The following SUPT6H variants were observed in gnomAD, a reference collection of about 807,000 sequenced individuals.
SUPT6H encodes transcription elongation factor SPT6.
A neutral mutation model predicts 222.3 loss-of-function variants in SUPT6H; 11 were observed. That is an observed-to-expected ratio of 0.05 (90% CI 0.03 to 0.08). SUPT6H has a LOEUF of 0.08. Among genes scored for constraint, SUPT6H ranks in the 10% least tolerant of loss-of-function variants. The probability of loss-of-function intolerance (pLI) is 1.00; values close to 1 mark genes in which losing one functional copy is unlikely to be tolerated. For synonymous variants in SUPT6H, 762 were observed against 801.2 expected, an observed-to-expected ratio of 0.95 and a Z score of 0.83; for missense variants, 1,422 against 2,216.0, an observed-to-expected ratio of 0.64 and a Z score of 7.19.
intron 25 of SUPT6H, 23 bp downstream of exon 25, chr17:28,689,584 C>A (rs199676494): frequency 1.2e-6 from 2 of 1,611,738 alleles, no homozygotes; most frequent in Non-Finnish European, 1.7e-6. Flanking sequence ...ATGGAAGGCC[C>A]GGCAGGAGAA....
chr17:28,688,355 ATT>A lies in SUPT6H; in HGVS notation c.3134+138_3134+139del. ...TTTTAAAGAAAAGGTAAGGAACTTTATTCAGTCAAGAGCCCCTGACCTATGGA... is the reference window on the plus strand; with the variant it reads ...TTTTAAAGAAAAGGTAAGGAACTTTACAGTCAAGAGCCCCTGACCTATGGA... On this transcript the variant is annotated intron_variant, in intron 24 of 36. Transcript: ENST00000314616. The surrounding 1 kb of genome is among the most constrained non-coding windows in gnomAD (Gnocchi z 4.3). 7 of 1,181,686 alleles carry A rather than the reference ATT, an allele frequency of 5.9e-6. No individual in the cohort carries two copies. Among genetic ancestry groups the A allele is most frequent in the Non-Finnish European group, 8.0e-6 (7 of 874,552 alleles). 73.2% of individuals were successfully genotyped at this position (1,181,686 alleles called of 1,614,324 possible).
In SUPT6H at chr17:28,701,737, GT is replaced by G; in HGVS notation, c.*114del. On this transcript the variant is annotated 3_prime_UTR_variant, in exon 37 of 37. Transcript: ENST00000314616. ...TCCATAAAGTGGCGTGAAGTGAGAC[GT>G]TCTCTTTGGTGGTCAACCCGGATGG... The G allele has an allele frequency of 8.4e-7, 1 of 1,184,864 alleles. No individual in the cohort carries two copies. Among genetic ancestry groups the G allele is most frequent in the Non-Finnish European group, 1.2e-6 (1 of 855,254 alleles). 73.4% of individuals were successfully genotyped at this position (1,184,864 alleles called of 1,614,324 possible).
chr17:28,690,766 T>C (rs1488648416), intron 26 of SUPT6H, among the ~76,000 whole-genome samples, 155 bp from the exon 27 acceptor site: 1 of 152,112 alleles, frequency 6.6e-6, no homozygotes, highest in Non-Finnish European at 1.5e-5. Flanking sequence ...AGAGCAAGAC[T>C]TCATCTCAAA....
In SUPT6H at chr17:28,701,278, G is replaced by A. The variant is rs184458812; in HGVS notation, c.4994+150G>A. 3.1e-5 allele frequency: 43 copies of A among 1,400,470 alleles called. 1 individual carries two copies. The South Asian group carries it at 3.9e-4, about 13-fold the overall frequency. The allele number at this position is 1,400,470 out of a possible 1,614,324, so 86.8% of individuals were successfully genotyped here. ...GGAACACTAGTTTCTGGGTGAAGAC[G>A]GAAGAGGGCAGTATGGCAGCCAGCT... On this transcript the variant is annotated intron_variant, in intron 36 of 36. Coordinates refer to ENST00000314616, the MANE Select transcript of SUPT6H (RefSeq NM_003170.5).
Position 28,678,201 on chromosome 17 carries a change from T to G in SUPT6H, c.1116+9T>G, listed in dbSNP as rs776812786. 1 of 1,605,970 alleles carries G rather than the reference T, an allele frequency of 6.2e-7. No individual in the cohort carries two copies. Among genetic ancestry groups the G allele is most frequent in the East Asian group, 2.2e-5 (1 of 44,848 alleles). On this transcript the variant is annotated intron_variant, in intron 9 of 36. Transcript: ENST00000314616. ...GAAATCAGCATTTTGAGGTAACACC[T>G]CAAGCTCTGGTGGCCCATTGGTGAG...
In SUPT6H at chr17:28,700,357, G is replaced by A; in HGVS notation, c.4651G>A (p.Ala1551Thr). Residue 1551 changes from alanine to threonine, a missense_variant, in exon 35 of 37, where the codon GCT becomes ACT. Ala to Thr is a moderately conservative substitution (Grantham distance 58). This residue lies in a region of SUPT6H where 395 missense variants were observed against 580.6 expected (regional missense o/e 0.68). Transcript: ENST00000314616. ...ANINLADLTR[A>T]VNALPQNMTS... ...CTGTGTGCTTACAGATCTGACACGG[G>A]CTGTGAATGCCCTGCCTCAGAACAT... 6.2e-7 allele frequency: 1 copy of A among 1,614,212 alleles called. No homozygotes were observed. The highest frequency in any genetic ancestry group is 8.5e-7 in the Non-Finnish European group (1 of 1,180,040).
chr17:28,677,358 G>T (rs945758212), intron 7 of SUPT6H, among the ~76,000 whole-genome samples: 1 of 151,820 alleles, frequency 6.6e-6, no homozygotes, highest in African/African-American at 2.4e-5. Flanking sequence ...ACTCCAGCCT[G>T]GGCAACAGAG....
intron 17 of SUPT6H, 144 bp from the exon 18 acceptor site, chr17:28,684,442 G>A (rs989872382): frequency 2.1e-6 from 2 of 938,560 alleles, no homozygotes; most frequent in African/African-American, 1.6e-5. Flanking sequence ...CAGGTGGTAA[G>A]CCTGCCAATG....
intron 11 of SUPT6H, among the ~76,000 whole-genome samples, chr17:28,680,062 T>G (rs2031009460): frequency 6.6e-6 from 1 of 150,394 alleles, no homozygotes; most frequent in South Asian, 2.1e-4. Flanking sequence ...CCCAACACTT[T>G]GGAAGACTGA....
intron 15 of SUPT6H, 30 bp downstream of exon 15, chr17:28,683,122 A>G (rs1228209706): frequency 6.4e-7 from 1 of 1,573,078 alleles, no homozygotes; most frequent in Non-Finnish European, 8.6e-7. Context: ...TTGATCCAAG[A>G]TGTGCACCAG....
chr17:28,674,941 C>A, intron 4 of SUPT6H, 29 bp from the exon 5 acceptor site: 2 of 1,607,914 alleles, frequency 1.2e-6, no homozygotes, highest in South Asian at 2.2e-5. Context: ...CTCCTCAGAT[C>A]CTGATAAGGC....
In SUPT6H at chr17:28,675,437, C is replaced by T; in HGVS notation, c.575C>T (p.Pro192Leu). The T allele has an allele frequency of 6.2e-7, 1 of 1,614,164 alleles. No individual in the cohort carries two copies. Among genetic ancestry groups the T allele is most frequent in the Non-Finnish European group, 8.5e-7 (1 of 1,180,014 alleles). Residue 192 changes from proline to leucine, a missense_variant, in exon 6 of 37, where the codon CCT (proline) becomes CTT (leucine). Coordinates refer to ENST00000314616, the MANE Select transcript of SUPT6H (RefSeq NM_003170.5). ...DDFIVDDDGQPLKKPKWRKKL... is the reference protein window; with the variant it reads ...DDFIVDDDGQLLKKPKWRKKL... ...TTCATTGTGGATGATGATGGACAGC[C>T]TCTGAAAAAACCTAAGTGGCGGAAA...
chr17:28,677,572 C>G (rs1433945093), intron 7 of SUPT6H, 143 bp from the exon 8 acceptor site: 1 of 675,740 alleles, frequency 1.5e-6, no homozygotes, highest in Non-Finnish European at 2.6e-6. Context: ...TATTTCATGC[C>G]AGAACAACAC....
intron 11 of SUPT6H, 61 bp downstream of exon 11, chr17:28,679,024 A>G (rs1207274355): frequency 1.2e-6 from 2 of 1,605,422 alleles, no homozygotes; most frequent in Non-Finnish European, 1.7e-6. Flanking sequence ...CTGGCCCTGC[A>G]GGAGCACTGT....
In SUPT6H at chr17:28,697,742, A is replaced by G; in HGVS notation, c.4323+9A>G. ...GCGGTGGGGACCGCAAGGTAAGCCC[A>G]GGGCCCTCTGAGGAATGACACTTGC... On this transcript the variant is annotated intron_variant, in intron 31 of 36. Coordinates refer to ENST00000314616, the MANE Select transcript of SUPT6H (RefSeq NM_003170.5). 6.2e-7 allele frequency: 1 copy of G among 1,613,264 alleles called. No homozygotes were observed. Among genetic ancestry groups the G allele is most frequent in the Non-Finnish European group, 8.5e-7 (1 of 1,179,210 alleles).
In SUPT6H at chr17:28,675,068, A is replaced by G. The variant is rs1444243967; in HGVS notation, c.444A>G (p.Glu148=). The G allele has an allele frequency of 1.9e-6, 3 of 1,614,018 alleles. No homozygotes were observed. The highest frequency in any genetic ancestry group is 2.5e-6 in the Non-Finnish European group (3 of 1,180,012). Residue 148 remains glutamate (E), a synonymous_variant, in exon 5 of 37, where the codon GAA becomes GAG. Coordinates refer to ENST00000314616, the MANE Select transcript of SUPT6H (RefSeq NM_003170.5). ...EEHEKEAIAE[E]IFQDGEGEEG... is the part of the protein sequence containing the mutation. ...ATGAAAAAGAAGCTATTGCGGAAGA[A>G]ATCTTCCAGGATGGGGAAGGGGAAG...
rs149546599 is a variant in SUPT6H at position 28,690,939 on chromosome 17, A to G, written c.3509A>G (p.Asn1170Ser). 40 of 1,613,716 alleles carry G rather than the reference A, an allele frequency of 2.5e-5. No homozygotes were observed. The highest frequency in any genetic ancestry group is 2.1e-4 in the South Asian group (19 of 91,072). The change falls in exon 27 of 37, where the codon AAT becomes AGT. Residue 1170 changes from asparagine (N) to serine (S), a missense_variant. Asn to Ser is a conservative substitution (Grantham distance 46, BLOSUM62 1). Transcript: ENST00000314616. Reference sequence around the variant, plus strand: ...CTTGCAGGAAAGCTCATCATCTGCAATGTCACTGGCATTGCCCACAGGCGT... The same window carrying G: ...CTTGCAGGAAAGCTCATCATCTGCAGTGTCACTGGCATTGCCCACAGGCGT... ...TFYIGKLIIC[N>S]VTGIAHRRPQ...
chr17:28,683,517 C>G lies in SUPT6H; in HGVS notation c.2033+95C>G, dbSNP rs1010063170. 1.9e-6 allele frequency: 3 copies of G among 1,582,604 alleles called. No homozygotes were observed. The African/African-American group carries it at 4.1e-5, about 21-fold the overall frequency. ...CCTCAGGAGTGGGGAACCACAATTT[C>G]AGAGTTGAGCAGGCTGTTGTCTCTG... On this transcript the variant is annotated intron_variant, in intron 16 of 36. Transcript: ENST00000314616.
chr17:28,664,161 C>T (rs1409217724), intron 1 of SUPT6H, among the ~76,000 whole-genome samples: 3 of 152,090 alleles, frequency 2.0e-5, no homozygotes, highest in Non-Finnish European at 2.9e-5. Flanking sequence ...TCCATTTCTC[C>T]GGCTGTTCCT....
Sources: allele counts gnomAD v4.1 joint callset (sites outside exome capture counted in the v4.1 genomes callset), GRCh38; gene constraint gnomAD v4.1.1; regional missense constraint gnomAD v4.1.1; non-coding constraint Gnocchi (gnomAD v3.1); transcripts MANE v1.5; gene names NCBI Gene and HGNC (gene_info 2026-07-23, HGNC 2026-07-21).